Variants in KNL1 observed in about 807,000 individuals in gnomAD.
KNL1 encodes outer kinetochore KNL1 complex subunit KNL1.
In KNL1, 66 loss-of-function variants were observed where a neutral mutation model predicts 201.3. That is an observed-to-expected ratio of 0.33 (90% CI 0.27 to 0.40). KNL1 has a LOEUF of 0.40. KNL1 is among the 10% of genes least tolerant of loss of function. The pLI is 1.00. For synonymous variants in KNL1, 895 were observed against 899.2 expected, an observed-to-expected ratio of 1.00 and a Z score of 0.08; for missense variants, 2,815 against 2,690.5, an observed-to-expected ratio of 1.05 and a Z score of -1.02.
intron 10 of KNL1, 30 bp downstream of exon 10, chr15:40,625,670 C>T: frequency 1.3e-6 from 2 of 1,564,582 alleles, no homozygotes; most frequent in Non-Finnish European, 1.7e-6. Flanking sequence ...AAAGAATGTT[C>T]TTGAATTTTG....
rs1595931659 is a variant in KNL1 at position 40,629,460 on chromosome 15, T to C, written c.5682+89T>C. The C allele has an allele frequency of 7.9e-6, 4 of 503,922 alleles. No individual in the cohort carries two copies. In the South Asian group the frequency reaches 8.4e-5, roughly 11 times the overall value. 31.2% of individuals were successfully genotyped at this position (503,922 alleles called of 1,614,324 possible). A position where few individuals can be genotyped will look rare whatever the true frequency, so the allele number is the denominator to read the frequency against. ...GAATGGAAGAGAGCAAATTTTCCTA[T>C]AGAGAGTTTTCTTTTTTTTTTTTTT... On this transcript the variant is annotated intron_variant, in intron 13 of 25. Coordinates refer to ENST00000399668, the MANE Select transcript of KNL1 (RefSeq NM_144508.5).
At chr15:40,608,652 G>A (rs1218975013) in intron 4 of KNL1, among the ~76,000 whole-genome samples, 195 bp from the exon 5 acceptor site, 1 of 151,356 alleles carries the variant, frequency 6.6e-6, no homozygotes, top group Non-Finnish European at 1.5e-5. Flanking sequence ...GGCTGAGGCA[G>A]GAGAATCGCT....
rs777487591 is a variant in KNL1, at chr15:40,657,129, C to A, written c.6572C>A (p.Thr2191Lys). The A allele has an allele frequency of 2.6e-5, 42 of 1,603,942 alleles. No individual in the cohort carries two copies. The South Asian group carries it at 4.7e-4, about 18-fold the overall frequency. ...EEKESWKKTC[T>K]TQHQLPKMLE... ...AAGGAATCCTGGAAGAAGACATGTACAACCCAGCATCAGTTACCCAAGGTA... is the reference window on the plus strand; with the variant it reads ...AAGGAATCCTGGAAGAAGACATGTAAAACCCAGCATCAGTTACCCAAGGTA... Residue 2191 changes from threonine to lysine, a missense_variant, in exon 23 of 26, where the codon ACA becomes AAA. Coordinates refer to ENST00000399668, the MANE Select transcript of KNL1 (RefSeq NM_144508.5).
Position 40,625,062 on chromosome 15 carries a change from G to T in KNL1, c.4798G>T (p.Val1600Leu), listed in dbSNP as rs370659986. The part of the protein sequence containing the change: ...GNKAHNDMHI[V>L]QATEIHNINI... ...TAAGGCACACAATGATATGCATATAGTGCAAGCTACAGAAATACATAATAT... is the reference window on the plus strand; with the variant it reads ...TAAGGCACACAATGATATGCATATATTGCAAGCTACAGAAATACATAATAT... The change falls in exon 10 of 26, where the codon GTG becomes TTG. Residue 1600 changes from valine to leucine, a missense_variant. Val to Leu is a conservative substitution (Grantham distance 32). Around this residue, in one of 3 missense-constraint regions of KNL1, gnomAD observed 2,464 missense variants for 2,291.7 expected, o/e 1.08. Coordinates refer to ENST00000399668, the MANE Select transcript of KNL1 (RefSeq NM_144508.5). The T allele has an allele frequency of 3.1e-6, 5 of 1,613,604 alleles. No homozygotes were observed. Among genetic ancestry groups the T allele is most frequent in the Non-Finnish European group, 4.2e-6 (5 of 1,179,812 alleles).
intron 17 of KNL1, among the ~76,000 whole-genome samples, chr15:40,647,810 C>A (rs1457265715): frequency 1.3e-5 from 2 of 152,174 alleles, no homozygotes; most frequent in Non-Finnish European, 2.9e-5. Flanking sequence ...CTGAAATGTT[C>A]ATCTCCCTTA....
chr15:40,651,367 G>A (rs1411470985), intron 19 of KNL1, 104 bp from the exon 20 acceptor site: 5 of 538,704 alleles, frequency 9.3e-6, no homozygotes, highest in Non-Finnish European at 1.6e-5. Context: ...TACCTCAATG[G>A]GGAGTCATGT....
rs541761157 is a variant in KNL1 at position 40,659,607 on chromosome 15, C to T, written c.6836+146C>T. ...TCCCGGGTTCACGCCATTCTCCTGC[C>T]TCAGCCTCCTGAGTAGCTGGGACTA... is the stretch of plus-strand genomic sequence containing the variant. On this transcript the variant is annotated intron_variant, in intron 25 of 25. Transcript: ENST00000399668. 3 of 558,920 alleles carry T rather than the reference C, an allele frequency of 5.4e-6. No homozygotes were observed. In the Admixed American group the frequency reaches 1.2e-4, roughly 22 times the overall value. The allele number at this position is 558,920 out of a possible 1,614,324, so 34.6% of individuals were successfully genotyped here.
Position 40,626,563 on chromosome 15 carries a change from G to A in KNL1, c.5376+923G>A, listed in dbSNP as rs73394763. 6.8e-3 allele frequency among the ~76,000 whole-genome samples: 1,025 copies of A among 151,522 alleles called. 8 individuals carry two copies. Among genetic ancestry groups the A allele is most frequent in the African/African-American group, 0.024 (984 of 41,288 alleles). On this transcript the variant is annotated intron_variant, in intron 10 of 25. Coordinates refer to ENST00000399668, the MANE Select transcript of KNL1 (RefSeq NM_144508.5). Reference sequence around the variant, plus strand: ...ATGCAGAGAAAAATCTGCTGTCATGGAGTTTACATAATATTTATTCATTTA... The same window carrying A: ...ATGCAGAGAAAAATCTGCTGTCATGAAGTTTACATAATATTTATTCATTTA...
At chr15:40,627,435 AC>A (rs1892787210) in intron 10 of KNL1, among the ~76,000 whole-genome samples, 1 of 150,610 alleles carries the variant, frequency 6.6e-6, no homozygotes, top group Non-Finnish European at 1.5e-5. Context: ...AATGGCGTGA[AC>A]CCGGGAGGTG....
intron 7 of KNL1, 71 bp downstream of exon 7, chr15:40,611,582 C>T (rs1169027178): frequency 1.2e-5 from 2 of 172,782 alleles, no homozygotes; most frequent in African/African-American, 2.4e-5. Context: ...TTTTGTGTTC[C>T]TTTTGTGGAA....
At chr15:40,635,570 T>C (rs1191980754) in intron 13 of KNL1, among the ~76,000 whole-genome samples, 1 of 151,984 alleles carries the variant, frequency 6.6e-6, no homozygotes, top group Non-Finnish European at 1.5e-5. Context: ...GTCAGGCTGG[T>C]CTCAAACTCC....
rs1892629252 is a variant in KNL1, at chr15:40,623,673, G to A, written c.3409G>A (p.Glu1137Lys). The change falls in exon 10 of 26, where the codon GAA becomes AAA. Residue 1137 changes from glutamate to lysine, a missense_variant. Physicochemically the swap from Glu to Lys is moderately conservative, Grantham distance 56. This residue lies in a region of KNL1 where 2,464 missense variants were observed against 2,291.7 expected (regional missense o/e 1.08). Coordinates refer to ENST00000399668, the MANE Select transcript of KNL1 (RefSeq NM_144508.5). Reference sequence around the variant, plus strand: ...CACTAGGAGTCACACAACTGCCTTAGAATGTAAAACTCTCCTGCCAAATGA... The same window carrying A: ...CACTAGGAGTCACACAACTGCCTTAAAATGTAAAACTCTCCTGCCAAATGA... ...EITRSHTTAL[E>K]CKTLLPNEIA... 2.5e-6 allele frequency: 4 copies of A among 1,613,862 alleles called. No homozygotes were observed. The South Asian group carries it at 3.3e-5, about 13-fold the overall frequency.
chr15:40,625,899 A>G, intron 10 of KNL1: 1 of 392,838 alleles, frequency 2.5e-6, no homozygotes, highest in Non-Finnish European at 4.6e-6. Flanking sequence ...AGCCAAAGTT[A>G]AAATTGTATA....
At position 40,621,059 on chromosome 15, in the gene KNL1, A is replaced by C; in HGVS notation, c.795A>C (p.Glu265Asp). The change falls in exon 10 of 26, where the codon GAA becomes GAC. Residue 265 changes from glutamate (E) to aspartate (D), a missense_variant. By Grantham distance (45) the Glu-to-Asp change is conservative (BLOSUM62 2). Coordinates refer to ENST00000399668, the MANE Select transcript of KNL1 (RefSeq NM_144508.5). ...HQMHVSLKED[E>D]NNSNITRLFR... ...TGCATGTATCTCTTAAGGAAGATGAAAATAACAGTAATATTACTAGGCTCT... is the reference window on the plus strand; with the variant it reads ...TGCATGTATCTCTTAAGGAAGATGACAATAACAGTAATATTACTAGGCTCT... 1 of 1,611,490 alleles carries C rather than the reference A, an allele frequency of 6.2e-7. No homozygotes were observed. The highest frequency in any genetic ancestry group is 1.1e-5 in the South Asian group (1 of 90,790).
chr15:40,628,122 T>C lies in KNL1; in HGVS notation c.5429T>C (p.Leu1810Ser). 1 of 1,612,706 alleles carries C rather than the reference T, an allele frequency of 6.2e-7. No individual in the cohort carries two copies. Residue 1810 changes from leucine to serine, a missense_variant, in exon 11 of 26, where the codon TTG becomes TCG. By Grantham distance (145) the Leu-to-Ser change is moderately radical. Transcript: ENST00000399668. ...EDIDKSANSV[L>S]IKNLSRTPSS... ...ATAGATAAAAGTGCTAACAGTGTAT[T>C]GATAAAAAACCTGAGCAGGACCCCA...
In KNL1 at chr15:40,657,112, C is replaced by G; in HGVS notation, c.6555C>G (p.Ser2185=). The G allele has an allele frequency of 6.2e-7, 1 of 1,609,706 alleles. No individual in the cohort carries two copies. The highest frequency in any genetic ancestry group is 8.5e-7 in the Non-Finnish European group (1 of 1,177,726). The change falls in exon 23 of 26, where the codon TCC becomes TCG. Residue 2185 remains serine (S), a synonymous_variant. Transcript: ENST00000399668. ...LIFQYVEEKE[S]WKKTCTTQHQ... Reference sequence around the variant, plus strand: ...TCCAGTACGTTGAAGAAAAGGAATCCTGGAAGAAGACATGTACAACCCAGC... The same window carrying G: ...TCCAGTACGTTGAAGAAAAGGAATCGTGGAAGAAGACATGTACAACCCAGC...
chr15:40,640,585 T>TAA (rs980506508), intron 13 of KNL1, among the ~76,000 whole-genome samples: 1 of 148,326 alleles, frequency 6.7e-6, no homozygotes, highest in Non-Finnish European at 1.5e-5. Context: ...GAAACTGGCT[T>TAA]AAAAAAAAAA....
At chr15:40,613,296 GTATGTA>G (rs1359049997) in intron 7 of KNL1, among the ~76,000 whole-genome samples, 2 of 152,060 alleles carry the variant, frequency 1.3e-5, no homozygotes, top group African/African-American at 4.8e-5. Context: ...CATGTATAAT[GTATGTA>G]TATGTAGTGA....
chr15:40,656,293 C>T (rs1893730071), intron 22 of KNL1, among the ~76,000 whole-genome samples: 3 of 152,032 alleles, frequency 2.0e-5, no homozygotes, highest in African/African-American at 7.2e-5. Flanking sequence ...ATTAGCTGGG[C>T]ATTGTGGTGT....
Sources: gnomAD v4.1 joint callset for allele counts (sites outside exome capture counted in the v4.1 genomes callset) on GRCh38, gnomAD v4.1.1 for gene constraint, gnomAD v4.1.1 regional missense constraint, MANE v1.5 for transcripts, NCBI Gene and HGNC (gene_info 2026-07-23, HGNC 2026-07-21) for gene names.